The following PTK2B variants were observed in gnomAD, a reference collection of about 807,000 sequenced individuals.
PTK2B encodes protein-tyrosine kinase 2-beta.
PTK2B carries 71 observed loss-of-function variants against 142.9 expected under a neutral mutation model. That is an observed-to-expected ratio of 0.50 (90% confidence interval 0.41 to 0.61). PTK2B has a LOEUF of 0.61. Ranked by LOEUF, PTK2B falls within the 20% of genes least tolerant of loss-of-function variation. PTK2B has a pLI of 0.00. For synonymous variants in PTK2B, 519 were observed against 503.4 expected (o/e 1.03, Z -0.42); for missense variants, 1,105 against 1,320.4 (o/e 0.84, Z 2.53).
At chr8:27,389,291 G>GGGAA (rs1807565328) in intron 1 of PTK2B, among the ~76,000 whole-genome samples, 1 of 152,044 alleles carries the variant, frequency 6.6e-6, no homozygotes, top group African/African-American at 2.4e-5. Context: ...GAGGGAGGGA[G>GGGAA]GGAAGGAAGG....
intron 3 of PTK2B, 144 bp downstream of exon 3, chr8:27,420,217 A>G (rs1207071003): frequency 1.0e-6 from 1 of 971,766 alleles, no homozygotes; most frequent in Non-Finnish European, 1.5e-6. Context: ...GTCTTCCTCC[A>G]GTATCCAATG....
rs775756337 is a variant in PTK2B, at chr8:27,431,000, A to C, written c.794A>C (p.Tyr265Ser). The change falls in exon 8 of 31, where the codon TAC (tyrosine) becomes TCC (serine). Residue 265 changes from tyrosine to serine, a missense_variant. By Grantham distance (144) the Tyr-to-Ser change is moderately radical. Coordinates refer to ENST00000346049, the MANE Select transcript of PTK2B (RefSeq NM_173176.3). Reference sequence around the variant, plus strand: ...TTCGCCAACATCGACCAGGAGACCTACCGCTGTGAACTCATTGTAATGGCG... The same window carrying C: ...TTCGCCAACATCGACCAGGAGACCTCCCGCTGTGAACTCATTGTAATGGCG... ...AGFANIDQET[Y>S]RCELIQGWNI... 6.2e-7 allele frequency: 1 copy of C among 1,613,808 alleles called. No individual in the cohort carries two copies. The highest frequency in any genetic ancestry group is 8.5e-7 in the Non-Finnish European group (1 of 1,179,796).
At chr8:27,401,455 C>G (rs1339393266) in intron 2 of PTK2B, among the ~76,000 whole-genome samples, 1 of 152,122 alleles carries the variant, frequency 6.6e-6, no homozygotes. Flanking sequence ...GGGCAGAACA[C>G]ATTGTGCAAT....
chr8:27,405,630 G>A (rs910148862), intron 2 of PTK2B, among the ~76,000 whole-genome samples: 10 of 152,134 alleles, frequency 6.6e-5, no homozygotes, highest in Non-Finnish European at 1.5e-4. Context: ...AGGCCAGCCC[G>A]CCCCCACACA....
chr8:27,313,160 ATAAG>A (rs1803021027), intron 2 of PTK2B: 1 of 152,160 alleles, frequency 6.6e-6, no homozygotes, highest in African/African-American at 2.4e-5. Flanking sequence ...TGATGGTTTT[ATAAG>A]TGTTTGGTAA....
In PTK2B at chr8:27,427,705, A is replaced by G. The variant is rs554755217; in HGVS notation, c.552-2388A>G. On this transcript the variant is annotated intron_variant, in intron 5 of 30. Coordinates refer to ENST00000346049, the MANE Select transcript of PTK2B (RefSeq NM_173176.3). Reference sequence around the variant, plus strand: ...GCTGAGCAGGTAACACTGGCTTGACATGTTTTCTGAAGCTGCCGTGGTCAG... The same window carrying G: ...GCTGAGCAGGTAACACTGGCTTGACGTGTTTTCTGAAGCTGCCGTGGTCAG... 2.3e-4 allele frequency among the ~76,000 whole-genome samples: 35 copies of G among 152,246 alleles called. 1 individual carries two copies. The South Asian group carries it at 7.3e-3, about 32-fold the overall frequency.
intron 1 of PTK2B, among the ~76,000 whole-genome samples, chr8:27,328,598 C>A (rs1803555071): frequency 6.6e-6 from 1 of 152,158 alleles, no homozygotes; most frequent in African/African-American, 2.4e-5. Context: ...TTGAGAGAGA[C>A]CCTATGGCGT....
chr8:27,392,504 T>C (rs558025655), intron 1 of PTK2B, among the ~76,000 whole-genome samples: 2 of 152,076 alleles, frequency 1.3e-5, no homozygotes, highest in Non-Finnish European at 2.9e-5. Context: ...CACCCTTCTA[T>C]GAGGAAAACA....
In PTK2B at chr8:27,422,200, G is replaced by C. The variant is rs562317631; in HGVS notation, c.472-104G>C. On this transcript the variant is annotated intron_variant, in intron 4 of 30. Transcript: ENST00000346049. Reference sequence around the variant, plus strand: ...CTTGTTTGTGGTGGGGTGGGTGGCTGTCACTCAGGGAGGCAGAATGAGGCC... The same window carrying C: ...CTTGTTTGTGGTGGGGTGGGTGGCTCTCACTCAGGGAGGCAGAATGAGGCC... 1.0e-5 allele frequency: 11 copies of C among 1,104,810 alleles called. No homozygotes were observed. In the East Asian group the frequency reaches 3.1e-4, roughly 31 times the overall value. The allele number at this position is 1,104,810 out of a possible 1,614,324, so 68.4% of individuals were successfully genotyped here. A position where few individuals can be genotyped will look rare whatever the true frequency, so the allele number is the denominator to read the frequency against.
intron 23 of PTK2B, among the ~76,000 whole-genome samples, chr8:27,444,585 T>TC (rs1811349565): frequency 6.6e-6 from 1 of 152,152 alleles, no homozygotes; most frequent in Non-Finnish European, 1.5e-5. Flanking sequence ...CCAGAAGGAA[T>TC]CCCAGGGAAT....
At chr8:27,371,545 T>TTGTA (rs1554489568) in intron 1 of PTK2B, among the ~76,000 whole-genome samples, 40 of 147,464 alleles carry the variant, frequency 2.7e-4, no homozygotes, top group African/African-American at 8.7e-4. Context: ...TTTTTATTAT[T>TTGTA]TATATATATA....
At chr8:27,356,347 G>T (rs1218574747) in intron 1 of PTK2B, among the ~76,000 whole-genome samples, 1 of 152,238 alleles carries the variant, frequency 6.6e-6, no homozygotes, top group African/African-American at 2.4e-5. Context: ...GGGATTGTAA[G>T]GAAGCTGCAA....
At position 27,458,937 on chromosome 8, in the gene PTK2B, G is replaced by A. The variant is rs1374803585; in HGVS notation, c.*428G>A. On this transcript the variant is annotated 3_prime_UTR_variant, in exon 31 of 31. Transcript: ENST00000346049. ...TGTCCCTTGATGCACAGAGAAGCTG[G>A]GGAGGAGCTTTGTTTTGGGGGTCAG... The A allele has an allele frequency of 6.3e-6, 2 of 317,008 alleles. No homozygotes were observed. Among genetic ancestry groups the A allele is most frequent in the Non-Finnish European group, 1.2e-5 (2 of 168,326 alleles). The allele number at this position is 317,008 out of a possible 1,614,324, so 19.6% of individuals were successfully genotyped here.
intron 1 of PTK2B, among the ~76,000 whole-genome samples, chr8:27,332,250 A>T (rs1466535883): frequency 6.6e-6 from 1 of 152,206 alleles, no homozygotes; most frequent in African/African-American, 2.4e-5. Context: ...ACATTGGCTA[A>T]ATCTCTTTCC....
At chr8:27,457,959 G>C (rs1265270217) in intron 30 of PTK2B, among the ~76,000 whole-genome samples, 4 of 117,178 alleles carry the variant, frequency 3.4e-5, no homozygotes, top group African/African-American at 1.4e-4. Context: ...TGGGCAACAG[G>C]AACAAAACTC....
chr8:27,388,827 C>T (rs1464261605), intron 1 of PTK2B, among the ~76,000 whole-genome samples: 1 of 152,234 alleles, frequency 6.6e-6, no homozygotes, highest in African/African-American at 2.4e-5. Flanking sequence ...CCTTCCAGCT[C>T]ACACCTGTGC....
chr8:27,362,294 G>A (rs111545077), intron 1 of PTK2B, among the ~76,000 whole-genome samples: 1 of 152,128 alleles, frequency 6.6e-6, no homozygotes, highest in Non-Finnish European at 1.5e-5. Context: ...CACTTCCTGG[G>A]CGTGACTCAC....
At chr8:27,313,880 A>G (rs757648487) in intron 3 of PTK2B, among the ~76,000 whole-genome samples, 3 of 152,188 alleles carry the variant, frequency 2.0e-5, no homozygotes, top group African/African-American at 4.8e-5. Context: ...CACTTTAGTG[A>G]CAGCTGTGGA....
chr8:27,414,525 CAT>C (rs1349619675), intron 2 of PTK2B, among the ~76,000 whole-genome samples: 2 of 152,030 alleles, frequency 1.3e-5, no homozygotes, highest in African/African-American at 4.8e-5. Context: ...GGATTACAGG[CAT>C]GAGCCACCGC....
Sources: allele counts gnomAD v4.1 joint callset (sites outside exome capture counted in the v4.1 genomes callset), GRCh38; gene constraint gnomAD v4.1.1; transcripts MANE v1.5; gene names NCBI Gene and HGNC (gene_info 2026-07-23, HGNC 2026-07-21).